The following PTPRD variants were observed in gnomAD, a reference collection of about 807,000 sequenced individuals.
PTPRD encodes the protein protein tyrosine phosphatase receptor type D.
PTPRD carries 34 observed loss-of-function variants against 214.5 expected under a neutral mutation model. The ratio of observed to expected loss-of-function variants is 0.16; its 90% confidence interval spans 0.12 to 0.21. PTPRD has a LOEUF of 0.21. PTPRD is among the 10% of genes least tolerant of loss of function. The pLI, the probability that PTPRD is intolerant of heterozygous loss-of-function variation, is 1.00. For synonymous variants in PTPRD, 1,128 were observed against 845.7 expected, an observed-to-expected ratio of 1.33 and a Z score of -5.79; for missense variants, 2,545 against 2,398.7, an observed-to-expected ratio of 1.06 and a Z score of -1.27.
At chr9:9,381,199 T>G (rs922288002) in intron 9 of PTPRD, among the ~76,000 whole-genome samples, 1 of 152,110 alleles carries the variant, frequency 6.6e-6, no homozygotes, top group African/African-American at 2.4e-5. Flanking sequence ...ATTATTGATA[T>G]AGTTGTTTTA....
chr9:9,397,713 G>A (rs1333961998), intron 8 of PTPRD, among the ~76,000 whole-genome samples: 1 of 151,860 alleles, frequency 6.6e-6, no homozygotes, highest in African/African-American at 2.4e-5. Flanking sequence ...CTTTTTTATA[G>A]GCATACCTGG....
intron 8 of PTPRD, among the ~76,000 whole-genome samples, chr9:9,407,569 A>AT (rs1236902701): frequency 2.0e-5 from 3 of 151,692 alleles, no homozygotes; most frequent in Non-Finnish European, 4.4e-5. Context: ...CACAAAATCT[A>AT]TTTTTTTGAA....
chr9:8,411,257 A>C lies in PTPRD; in HGVS notation c.4087-6597T>G, dbSNP rs564802017. Among the ~76,000 whole-genome samples the C allele has an allele frequency of 3.9e-5, 6 of 152,002 alleles. No individual in the cohort carries two copies. In the East Asian group the frequency reaches 5.8e-4, roughly 15 times the overall value. ...AACTTTAAGATTAAAGATTTAAATAACTAGATTTTTTACTATATACTTTTT... is the reference window on the plus strand; with the variant it reads ...AACTTTAAGATTAAAGATTTAAATACCTAGATTTTTTACTATATACTTTTT... On this transcript the variant is annotated intron_variant, in intron 35 of 45. Transcript: ENST00000381196.
rs190159810 is a variant in PTPRD, at chr9:10,581,745, T to C, written c.-600+30653A>G. Among the ~76,000 whole-genome samples the C allele has an allele frequency of 1.2e-4, 18 of 152,256 alleles. No individual in the cohort carries two copies. In the East Asian group the frequency reaches 3.3e-3, roughly 28 times the overall value. ...TATCCCTCAGTTTAGTCTCAGCAGT[T>C]TAGGTCATTTCTGAGGAATATAAGG... On this transcript the variant is annotated intron_variant, in intron 2 of 45. Transcript: ENST00000381196.
intron 2 of PTPRD, among the ~76,000 whole-genome samples, chr9:10,547,623 T>G (rs1222077261): frequency 6.6e-6 from 1 of 152,014 alleles, no homozygotes; most frequent in Admixed American, 6.6e-5. Flanking sequence ...TAGTGTCTTT[T>G]TCTATATAAG....
chr9:8,672,348 T>A (rs2097303943), intron 12 of PTPRD, among the ~76,000 whole-genome samples: 1 of 152,206 alleles, frequency 6.6e-6, no homozygotes, highest in Non-Finnish European at 1.5e-5. Flanking sequence ...AAAAGTCACC[T>A]GAGACAGACA....
intron 8 of PTPRD, among the ~76,000 whole-genome samples, chr9:9,431,145 A>G (rs1239670747): frequency 6.6e-6 from 1 of 152,250 alleles, no homozygotes; most frequent in East Asian, 1.9e-4. Flanking sequence ...AATGTTTGCA[A>G]TCTACCCATC....
chr9:8,767,117 CTTTT>C (rs988462505), intron 11 of PTPRD, among the ~76,000 whole-genome samples: 2 of 151,984 alleles, frequency 1.3e-5, no homozygotes, highest in African/African-American at 4.8e-5. Flanking sequence ...TATTTCCCCA[CTTTT>C]TTTTCTTTTT....
intron 11 of PTPRD, among the ~76,000 whole-genome samples, chr9:9,005,602 C>T (rs2099459340): frequency 6.6e-6 from 1 of 151,970 alleles, no homozygotes; most frequent in South Asian, 2.1e-4. Context: ...CTATAAAAAC[C>T]TAAGTATAAG....
chr9:10,333,846 T>G (rs1311791186), intron 3 of PTPRD, among the ~76,000 whole-genome samples: 3 of 151,818 alleles, frequency 2.0e-5, no homozygotes. Flanking sequence ...ATCTATGCAC[T>G]TGACTGAGAC....
chr9:8,605,302 A>G (rs1236721373), intron 14 of PTPRD, among the ~76,000 whole-genome samples: 1 of 152,180 alleles, frequency 6.6e-6, no homozygotes, highest in Non-Finnish European at 1.5e-5. Flanking sequence ...GGACTTAACT[A>G]TTGGCTTAGG....
chr9:10,361,734 A>C (rs1179751694), intron 2 of PTPRD, among the ~76,000 whole-genome samples: 15 of 152,166 alleles, frequency 9.9e-5, no homozygotes. Flanking sequence ...ATTGAATAGT[A>C]TTATACTATT....
intron 9 of PTPRD, among the ~76,000 whole-genome samples, chr9:9,367,135 T>G (rs2058101475): frequency 6.6e-6 from 1 of 151,434 alleles, no homozygotes; most frequent in Non-Finnish European, 1.5e-5. Flanking sequence ...CAGTGTTACG[T>G]GGGGTTATTT....
At chr9:8,467,844 T>G (rs2096574230) in intron 31 of PTPRD, among the ~76,000 whole-genome samples, 1 of 151,928 alleles carries the variant, frequency 6.6e-6, no homozygotes, top group East Asian at 1.9e-4. Context: ...ATTACACAGC[T>G]TATTGTTGAT....
intron 3 of PTPRD, among the ~76,000 whole-genome samples, chr9:10,250,819 T>G (rs1441566122): frequency 1.3e-5 from 2 of 151,850 alleles, no homozygotes; most frequent in African/African-American, 4.8e-5. Flanking sequence ...GATATATGCA[T>G]AAGTATACAT....
chr9:9,228,908 AGT>A (rs2099961257), intron 9 of PTPRD, among the ~76,000 whole-genome samples: 1 of 152,162 alleles, frequency 6.6e-6, no homozygotes, highest in Non-Finnish European at 1.5e-5. Flanking sequence ...AAGTATGTGA[AGT>A]GTAGATAGTT....
intron 7 of PTPRD, among the ~76,000 whole-genome samples, chr9:9,599,211 A>T (rs777488078): frequency 1.3e-4 from 20 of 152,074 alleles, no homozygotes; most frequent in Non-Finnish European, 2.8e-4. Context: ...ATGCTAAAGT[A>T]ATACCCTTCT....
chr9:10,035,456 T>C (rs542098593), intron 3 of PTPRD, among the ~76,000 whole-genome samples: 227 of 152,292 alleles, frequency 1.5e-3, no homozygotes, highest in African/African-American at 5.2e-3. Flanking sequence ...ATCTGTTGAT[T>C]TTTACTTCTG....
At chr9:8,672,507 G>C (rs2097306721) in intron 12 of PTPRD, among the ~76,000 whole-genome samples, 1 of 152,060 alleles carries the variant, frequency 6.6e-6, no homozygotes, top group Admixed American at 6.5e-5. Flanking sequence ...ATAGTGACAT[G>C]CTAGGGTTCC....
Sources: allele counts gnomAD v4.1 joint callset (sites outside exome capture counted in the v4.1 genomes callset), GRCh38; gene constraint gnomAD v4.1.1; transcripts MANE v1.5; gene names NCBI Gene and HGNC (gene_info 2026-07-23, HGNC 2026-07-21).